Variants in RANBP2 observed in about 807,000 individuals in gnomAD.
RANBP2 encodes RAN binding protein 2, also known as E3 SUMO-protein ligase RanBP2.
RANBP2 carries 57 observed loss-of-function variants against 303.6 expected under a neutral mutation model. That is an observed-to-expected ratio of 0.19 (90% confidence interval 0.15 to 0.23). The LOEUF is 0.23. RANBP2 is among the 10% of genes least tolerant of loss of function. RANBP2 has a pLI of 1.00. For missense variants in RANBP2, 3,138 were observed against 3,780.8 expected (o/e 0.83, Z 4.46); for synonymous variants, 1,167 against 1,301.5 (o/e 0.90, Z 2.23).
the RANBP2 span, among the ~76,000 whole-genome samples, chr2:109,121,913 A>G: frequency 1.8e-4 from 28 of 152,276 alleles, no homozygotes; most frequent in Admixed American, 1.6e-3. Context: ...GCATCTAATC[A>G]GTGGCCAAGG....
the RANBP2 span, among the ~76,000 whole-genome samples, chr2:109,713,455 G>A: frequency 6.6e-6 from 1 of 152,146 alleles, no homozygotes; most frequent in Non-Finnish European, 1.5e-5. Flanking sequence ...GCTCCAGAAC[G>A]TGCCTCTGAG....
At chr2:109,326,931 CA>C in the RANBP2 span, among the ~76,000 whole-genome samples, 1 of 152,238 alleles carries the variant, frequency 6.6e-6, no homozygotes, top group Non-Finnish European at 1.5e-5. Flanking sequence ...CATTCGGTTC[CA>C]GTTCAACTGC....
the RANBP2 span, among the ~76,000 whole-genome samples, chr2:109,424,843 T>G: frequency 2.0e-5 from 3 of 152,212 alleles, no homozygotes; most frequent in Admixed American, 2.0e-4. Context: ...TAACGCTAAG[T>G]GACCTCTAAG....
the RANBP2 span, among the ~76,000 whole-genome samples, chr2:109,062,292 C>A: frequency 6.6e-6 from 1 of 152,204 alleles, no homozygotes; most frequent in African/African-American, 2.4e-5. Context: ...CAGCTTTAAG[C>A]CAAGGGCAGT....
At chr2:109,315,985 G>A in the RANBP2 span, among the ~76,000 whole-genome samples, 1 of 152,206 alleles carries the variant, frequency 6.6e-6, no homozygotes, top group African/African-American at 2.4e-5. Flanking sequence ...TGGTCTGACT[G>A]TGTGAGATTA....
the RANBP2 span, chr2:109,667,917 C>T: frequency 5.1e-6 from 1 of 194,834 alleles, no homozygotes; most frequent in African/African-American, 2.4e-5. Context: ...GCAAGAGGAC[C>T]TCAGAAGAAG....
At chr2:109,180,800 A>G in the RANBP2 span, among the ~76,000 whole-genome samples, 1 of 152,152 alleles carries the variant, frequency 6.6e-6, no homozygotes, top group East Asian at 1.9e-4. Context: ...TGGTATGTCT[A>G]TCAGCAGTGT....
the RANBP2 span, among the ~76,000 whole-genome samples, chr2:109,079,580 GC>G: frequency 6.6e-6 from 1 of 152,150 alleles, no homozygotes; most frequent in Non-Finnish European, 1.5e-5. Context: ...ACTGCTTCTG[GC>G]CCAGGGTGAG....
At chr2:108,805,123 A>T in the RANBP2 span, 1 of 452,776 alleles carries the variant, frequency 2.2e-6, no homozygotes. Context: ...TTTGGATTAC[A>T]TTTGTTAGCT....
the RANBP2 span, among the ~76,000 whole-genome samples, chr2:109,132,975 T>C: frequency 1.3e-5 from 2 of 152,266 alleles, no homozygotes; most frequent in Non-Finnish European, 2.9e-5. Context: ...TTTTAAATCC[T>C]TGACTTATAT....
At chr2:109,032,297 T>A in the RANBP2 span, among the ~76,000 whole-genome samples, 1 of 152,050 alleles carries the variant, frequency 6.6e-6, no homozygotes, top group Non-Finnish European at 1.5e-5. Context: ...AGCGATTTTT[T>A]TTGTCCCTCC....
the RANBP2 span, among the ~76,000 whole-genome samples, chr2:109,330,534 G>A: frequency 6.6e-6 from 1 of 152,308 alleles, no homozygotes; most frequent in South Asian, 2.1e-4. Context: ...TAGATGTCTA[G>A]TACCTCACAC....
chr2:109,665,973 T>C, the RANBP2 span, among the ~76,000 whole-genome samples: 1 of 151,664 alleles, frequency 6.6e-6, no homozygotes. Flanking sequence ...TAGCTGGGTG[T>C]GGTGGTGGGT....
At chr2:108,783,366 A>C (rs998308998) in intron 28 of RANBP2, among the ~76,000 whole-genome samples, 2 of 147,790 alleles carry the variant, frequency 1.4e-5, no homozygotes, top group African/African-American at 5.1e-5. Context: ...AAAAAAATCA[A>C]ATTTTCAGTA....
the RANBP2 span, among the ~76,000 whole-genome samples, chr2:109,167,962 C>T: frequency 6.6e-6 from 1 of 152,118 alleles, no homozygotes; most frequent in South Asian, 2.1e-4. Flanking sequence ...TGTAGAGAAA[C>T]ATTTATTAAA....
the RANBP2 span, among the ~76,000 whole-genome samples, chr2:109,325,960 A>G: frequency 6.6e-6 from 1 of 152,236 alleles, no homozygotes; most frequent in African/African-American, 2.4e-5. Context: ...TTTCACTGTG[A>G]ACCGTAACGT....
At chr2:108,919,176 TG>T in the RANBP2 span, among the ~76,000 whole-genome samples, 1 of 152,156 alleles carries the variant, frequency 6.6e-6, no homozygotes. Flanking sequence ...CAGTGCTTGC[TG>T]TTTAGTGTCA....
chr2:108,882,389 G>T, the RANBP2 span: 1 of 152,164 alleles, frequency 6.6e-6, no homozygotes, highest in Non-Finnish European at 1.5e-5. Context: ...AATTAGGTAT[G>T]CCTGTATGGA....
intron 1 of RANBP2, chr2:108,720,238 G>A (rs1201718398): frequency 1.1e-6 from 1 of 904,096 alleles, no homozygotes; most frequent in Non-Finnish European, 1.3e-6. Context: ...AAGTCCCCTT[G>A]TTTTGAGTAT....
Sources: allele counts gnomAD v4.1 joint callset (sites outside exome capture counted in the v4.1 genomes callset), GRCh38; gene constraint gnomAD v4.1.1; transcripts MANE v1.5; gene names NCBI Gene and HGNC (gene_info 2026-07-23, HGNC 2026-07-21).